Variants in HMCN1 observed in about 807,000 individuals in gnomAD.
The protein encoded by HMCN1 is hemicentin 1, also known as hemicentin-1.
Under a neutral mutation model 625.9 loss-of-function variants are expected in HMCN1, and 321 were observed. The ratio of observed to expected loss-of-function variants is 0.51; its 90% confidence interval spans 0.47 to 0.56. HMCN1 has a LOEUF of 0.56. Ranked by LOEUF, HMCN1 falls within the 20% of genes least tolerant of loss-of-function variation. The pLI, the probability that HMCN1 is intolerant of heterozygous loss-of-function variation, is 0.00. For missense variants in HMCN1, 6,588 were observed against 6,887.3 expected (o/e 0.96, Z 1.54); for synonymous variants, 2,425 against 2,417.6 (o/e 1.00, Z -0.09).
chr1:186,162,291 G>GAAAAAAAA, intron 97 of HMCN1, among the ~76,000 whole-genome samples: 1 of 152,106 alleles, frequency 6.6e-6, no homozygotes, highest in African/African-American at 2.4e-5. Flanking sequence ...GCATTTCTCT[G>GAAAAAAAA]TATTGGTTAT....
intron 4 of HMCN1, among the ~76,000 whole-genome samples, chr1:185,882,647 A>C (rs1031735265): frequency 2.6e-5 from 4 of 152,166 alleles, no homozygotes; most frequent in African/African-American, 9.6e-5. Context: ...AATATAAAGA[A>C]TGATAAAAAT....
At chr1:185,838,958 A>C (rs1210779946) in intron 1 of HMCN1, among the ~76,000 whole-genome samples, 1 of 152,218 alleles carries the variant, frequency 6.6e-6, no homozygotes, top group Non-Finnish European at 1.5e-5. Flanking sequence ...AGTGTCTCTG[A>C]TTCCCCTATT....
At chr1:186,146,010 A>C in intron 93 of HMCN1, 87 bp downstream of exon 93, 1 of 1,314,832 alleles carries the variant, frequency 7.6e-7, no homozygotes, top group Non-Finnish European at 1.1e-6. Context: ...AACAATGCCA[A>C]CCCTGAGAGG....
intron 100 of HMCN1, among the ~76,000 whole-genome samples, chr1:186,169,101 C>G (rs1380814828): frequency 6.6e-6 from 1 of 152,174 alleles, no homozygotes; most frequent in Non-Finnish European, 1.5e-5. Flanking sequence ...ATGAACTTAT[C>G]CATTTTATGG....
At chr1:186,065,539 A>G (rs1658055853) in intron 49 of HMCN1, 110 bp downstream of exon 49, 1 of 729,054 alleles carries the variant, frequency 1.4e-6, no homozygotes, top group Non-Finnish European at 2.2e-6. Context: ...TTCATCATGT[A>G]AGGAGGACCA....
chr1:185,863,909 A>G (rs1043851780), intron 2 of HMCN1, among the ~76,000 whole-genome samples: 2 of 152,192 alleles, frequency 1.3e-5, no homozygotes, highest in Non-Finnish European at 2.9e-5. Flanking sequence ...GAGACATGCC[A>G]TGCTGGAATG....
At chr1:185,905,417 A>C (rs1461599966) in intron 4 of HMCN1, among the ~76,000 whole-genome samples, 1 of 151,762 alleles carries the variant, frequency 6.6e-6, no homozygotes, top group African/African-American at 2.4e-5. Flanking sequence ...AAAAAATAAC[A>C]ACAGCAACCA....
At chr1:186,099,283 A>G (rs1460404789) in intron 68 of HMCN1, among the ~76,000 whole-genome samples, 1 of 152,036 alleles carries the variant, frequency 6.6e-6, no homozygotes, top group Non-Finnish European at 1.5e-5. Context: ...AAAGATGCAT[A>G]ATAATTATGT....
intron 1 of HMCN1, among the ~76,000 whole-genome samples, chr1:185,827,171 C>CAA (rs756416016): frequency 2.3e-4 from 10 of 43,094 alleles, no homozygotes; most frequent in Admixed American, 8.5e-4. Flanking sequence ...GACTCCATCT[C>CAA]AAAAAAAAAA....
At chr1:186,003,037 C>T (rs747709645) in intron 28 of HMCN1, among the ~76,000 whole-genome samples, 11 of 152,044 alleles carry the variant, frequency 7.2e-5, no homozygotes, top group Non-Finnish European at 1.2e-4. Context: ...TACTGTAATC[C>T]ATTCTTCACT....
intron 1 of HMCN1, among the ~76,000 whole-genome samples, chr1:185,817,521 A>G (rs1659918025): frequency 6.6e-6 from 1 of 152,206 alleles, no homozygotes; most frequent in Non-Finnish European, 1.5e-5. Flanking sequence ...CAGCAATGAC[A>G]TGATAAAGCA....
chr1:186,183,924 C>G (rs1057166341), intron 105 of HMCN1, among the ~76,000 whole-genome samples: 2 of 152,160 alleles, frequency 1.3e-5, no homozygotes, highest in Middle Eastern at 3.2e-3. Flanking sequence ...AACCACACCC[C>G]CTCCAGGTAC....
intron 36 of HMCN1, among the ~76,000 whole-genome samples, chr1:186,035,002 CAT>C (rs745369047): frequency 6.6e-6 from 1 of 152,172 alleles, no homozygotes; most frequent in African/African-American, 2.4e-5. Flanking sequence ...GCAGCAGCGA[CAT>C]AGTCTGTCAA....
intron 4 of HMCN1, among the ~76,000 whole-genome samples, chr1:185,873,704 T>C (rs563621934): frequency 1.3e-5 from 2 of 151,988 alleles, no homozygotes; most frequent in East Asian, 1.9e-4. Context: ...AATAGAAAAA[T>C]GCAAAAGGTT....
At chr1:185,847,187 T>A (rs1464887478) in intron 2 of HMCN1, among the ~76,000 whole-genome samples, 1 of 152,134 alleles carries the variant, frequency 6.6e-6, no homozygotes, top group Non-Finnish European at 1.5e-5. Flanking sequence ...TGCCTTTCTG[T>A]TCAAAAGGCA....
intron 1 of HMCN1, among the ~76,000 whole-genome samples, chr1:185,826,406 T>C (rs1395998150): frequency 6.6e-6 from 1 of 152,186 alleles, no homozygotes; most frequent in East Asian, 1.9e-4. Context: ...AAAGGAGGAA[T>C]GTCTTCCCAA....
intron 4 of HMCN1, among the ~76,000 whole-genome samples, chr1:185,874,504 G>GT (rs1024362651): frequency 3.0e-4 from 46 of 152,090 alleles, no homozygotes; most frequent in Non-Finnish European, 3.1e-4. Context: ...TGAATTGACT[G>GT]TAATAGGGTT....
intron 4 of HMCN1, among the ~76,000 whole-genome samples, chr1:185,903,563 A>G (rs1665934668): frequency 6.6e-6 from 1 of 151,728 alleles, no homozygotes; most frequent in Admixed American, 6.6e-5. Flanking sequence ...AGCACTTACT[A>G]TTGTTAAAAC....
intron 4 of HMCN1, among the ~76,000 whole-genome samples, chr1:185,903,802 A>T (rs1185926222): frequency 4.6e-5 from 7 of 151,892 alleles, no homozygotes; most frequent in African/African-American, 7.2e-5. Context: ...ATAAAATCTG[A>T]ATGCCAGCTC....
Sources: gnomAD v4.1 joint callset for allele counts (sites outside exome capture counted in the v4.1 genomes callset) on GRCh38, gnomAD v4.1.1 for gene constraint, MANE v1.5 for transcripts, NCBI Gene and HGNC (gene_info 2026-07-23, HGNC 2026-07-21) for gene names.